Variants in CCDC30 observed in about 807,000 individuals in gnomAD.
CCDC30 encodes the protein coiled-coil domain containing 30.
A neutral mutation model predicts 100.2 loss-of-function variants in CCDC30; 70 were observed. The ratio of observed to expected loss-of-function variants is 0.70; its 90% CI spans 0.58 to 0.85. CCDC30 has a LOEUF of 0.85. Among genes scored for constraint, CCDC30 ranks in the 40% least tolerant of loss-of-function variants. The pLI is 0.00. For missense variants in CCDC30, 652 were observed against 771.2 expected (o/e 0.85, Z 1.83); for synonymous variants, 233 against 269.5 (o/e 0.86, Z 1.33).
At chr1:42,527,922 A>G (rs112050398) in intron 6 of CCDC30, among the ~76,000 whole-genome samples, 4,253 of 151,234 alleles carry the variant, frequency 0.028, 108 homozygotes, top group Non-Finnish European at 0.039. Context: ...CTGGAGTGCA[A>G]TGGCGCGATA....
intron 4 of CCDC30, among the ~76,000 whole-genome samples, chr1:42,493,534 C>T (rs950049424): frequency 6.6e-5 from 10 of 152,000 alleles, no homozygotes; most frequent in Admixed American, 4.6e-4. Flanking sequence ...TTGCAGTGAC[C>T]GGAGATTGTG....
the CCDC30 span, chr1:42,456,622 G>T: frequency 6.3e-7 from 1 of 1,576,308 alleles, no homozygotes. Flanking sequence ...CTGCGCGCTG[G>T]GCTGAGGTTA....
intron 7 of CCDC30, among the ~76,000 whole-genome samples, chr1:42,574,188 A>G (rs1173247542): frequency 6.6e-6 from 1 of 152,124 alleles, no homozygotes; most frequent in Admixed American, 6.5e-5. Context: ...TTAAGTTACA[A>G]TGATTTCTTC....
At chr1:42,551,669 A>G (rs1645254299) in intron 6 of CCDC30, among the ~76,000 whole-genome samples, 1 of 152,068 alleles carries the variant, frequency 6.6e-6, no homozygotes, top group Non-Finnish European at 1.5e-5. Context: ...ATTACTTTTA[A>G]AAATCTGTTC....
intron 10 of CCDC30, among the ~76,000 whole-genome samples, chr1:42,601,372 G>T (rs1433471586): frequency 1.3e-5 from 2 of 152,140 alleles, no homozygotes; most frequent in Admixed American, 6.6e-5. Context: ...AGGGGATTGG[G>T]ACTAACAACC....
intron 11 of CCDC30, among the ~76,000 whole-genome samples, chr1:42,629,416 T>C (rs900596557): frequency 3.3e-5 from 5 of 152,218 alleles, no homozygotes; most frequent in African/African-American, 4.8e-5. Flanking sequence ...TTCTATTATA[T>C]GTAATTTGTT....
exon 13 of CCDC30, chr1:42,642,597 C>T: frequency 6.3e-7 from 1 of 1,591,400 alleles, no homozygotes. Flanking sequence ...ACGATATCTT[C>T]CATCCAGAGC....
At chr1:42,563,373 A>G (rs1480827593) in intron 6 of CCDC30, among the ~76,000 whole-genome samples, 1 of 151,908 alleles carries the variant, frequency 6.6e-6, no homozygotes, top group Non-Finnish European at 1.5e-5. Context: ...CAAACACTAC[A>G]TGTTCTCTCA....
chr1:42,577,736 G>C (rs1645870993), intron 8 of CCDC30, among the ~76,000 whole-genome samples: 1 of 152,010 alleles, frequency 6.6e-6, no homozygotes, highest in Non-Finnish European at 1.5e-5. Context: ...CACCTCCCAG[G>C]TTCACGCCAT....
intron 6 of CCDC30, among the ~76,000 whole-genome samples, chr1:42,546,392 A>T (rs1645134536): frequency 1.6e-4 from 2 of 12,824 alleles, no homozygotes; most frequent in Non-Finnish European, 2.2e-4. Flanking sequence ...TCTCAAAAAA[A>T]AAAAAAAATA....
At chr1:42,591,967 C>T (rs2148610966) in intron 10 of CCDC30, 1 of 152,386 alleles carries the variant, frequency 6.6e-6, no homozygotes, top group East Asian at 1.9e-4. Flanking sequence ...GAGATTTAGA[C>T]TTGCATGGGG....
chr1:42,497,573 T>A (rs1644249025), intron 5 of CCDC30, among the ~76,000 whole-genome samples: 2 of 152,222 alleles, frequency 1.3e-5, no homozygotes, highest in Admixed American at 1.3e-4. Context: ...CTGTTTATAT[T>A]TTTAACCATT....
intron 13 of CCDC30, among the ~76,000 whole-genome samples, chr1:42,644,468 A>G (rs187460045): frequency 1.3e-5 from 2 of 152,290 alleles, no homozygotes; most frequent in African/African-American, 4.8e-5. Flanking sequence ...CCTCACGGAC[A>G]CACCCAGGAT....
chr1:42,463,133 G>A (rs1267792831), upstream of CCDC30, among the ~76,000 whole-genome samples: 3 of 152,160 alleles, frequency 2.0e-5, no homozygotes, highest in African/African-American at 7.2e-5. Flanking sequence ...CTATCGATAC[G>A]GCCGGGACAA....
chr1:42,492,096 C>A (rs919137261), intron 4 of CCDC30: 24 of 313,844 alleles, frequency 7.6e-5, no homozygotes, highest in Non-Finnish European at 1.1e-4. Context: ...CATGATTGAA[C>A]CTCACATTGA....
intron 6 of CCDC30, among the ~76,000 whole-genome samples, chr1:42,550,367 AT>A (rs1645225985): frequency 6.6e-6 from 1 of 152,078 alleles, no homozygotes; most frequent in Non-Finnish European, 1.5e-5. Flanking sequence ...CTAAATGCAA[AT>A]CGAATAATAT....
At chr1:42,531,344 T>C (rs1260789516) in intron 6 of CCDC30, among the ~76,000 whole-genome samples, 1 of 152,206 alleles carries the variant, frequency 6.6e-6, no homozygotes, top group Non-Finnish European at 1.5e-5. Context: ...CTTTATAAAT[T>C]ACCCAGTCTC....
At chr1:42,485,659 G>C (rs10890198) in intron 3 of CCDC30, among the ~76,000 whole-genome samples, 1 of 150,672 alleles carries the variant, frequency 6.6e-6, no homozygotes, top group Non-Finnish European at 1.5e-5. Context: ...AAAGAAAAAA[G>C]ATGGGCAAAG....
intron 3 of CCDC30, among the ~76,000 whole-genome samples, chr1:42,484,197 CTT>C (rs1482765511): frequency 6.6e-6 from 1 of 151,830 alleles, no homozygotes; most frequent in African/African-American, 2.4e-5. Context: ...ACACAAATAA[CTT>C]TTCAGAATGA....
Sources: allele counts gnomAD v4.1 joint callset (sites outside exome capture counted in the v4.1 genomes callset), GRCh38; gene constraint gnomAD v4.1.1; transcripts MANE v1.5; gene names NCBI Gene and HGNC (gene_info 2026-07-23, HGNC 2026-07-21).